SSTR5: variants seen among roughly 807,000 people sequenced by gnomAD.
SSTR5 encodes somatostatin receptor type 5.
SSTR5 carries 1 observed loss-of-function variant against 0.3 expected under a neutral mutation model. That is an observed-to-expected ratio of 2.98 (90% CI 1.06 to 14.15). The LOEUF (loss-of-function observed/expected upper bound fraction) is 14.15. SSTR5 is among the 30% of genes most tolerant of loss of function. The probability of loss-of-function intolerance (pLI) is 0.12; values close to 1 mark genes in which losing one functional copy is unlikely to be tolerated. For synonymous variants in SSTR5, 256 were observed against 263.1 expected, an observed-to-expected ratio of 0.97 and a Z score of 0.26; for missense variants, 516 against 543.2, an observed-to-expected ratio of 0.95 and a Z score of 0.50.
chr16:1,080,084 T>A lies in SSTR5; in HGVS notation c.*121T>A. On this transcript the variant is annotated 3_prime_UTR_variant, in exon 2 of 2. Transcript: ENST00000689027. The stretch of plus-strand genomic sequence containing the variant: ...CCCGGCGGTGGTGTGAGGACAGAGC[T>A]GGCTGAAGCCAGGCTGGGGTAGACA... 7.4e-7 allele frequency: 1 copy of A among 1,349,844 alleles called. No individual in the cohort carries two copies. Among genetic ancestry groups the A allele is most frequent in the Non-Finnish European group, 9.9e-7 (1 of 1,006,706 alleles). 83.6% of individuals were successfully genotyped at this position (1,349,844 alleles called of 1,614,324 possible).
rs922185048 is a variant in SSTR5 at position 1,080,822 on chromosome 16, C to T, written c.*859C>T. On this transcript the variant is annotated 3_prime_UTR_variant, in exon 2 of 2. Coordinates refer to ENST00000689027, the MANE Select transcript of SSTR5 (RefSeq NM_001172560.3). Reference sequence around the variant, plus strand: ...GGGTCCAGTGTGGGGTGCCTGAGGGCACTAGGGAGAGGTGCTCCTGCTGCA... The same window carrying T: ...GGGTCCAGTGTGGGGTGCCTGAGGGTACTAGGGAGAGGTGCTCCTGCTGCA... 6.6e-6 allele frequency among the ~76,000 whole-genome samples: 1 copy of T among 152,122 alleles called. No homozygotes were observed. The highest frequency in any genetic ancestry group is 2.4e-5 in the African/African-American group (1 of 41,414).
At chr16:1,076,948 T>C (rs780549088) in intron 1 of SSTR5, among the ~76,000 whole-genome samples, 26 of 152,216 alleles carry the variant, frequency 1.7e-4, no homozygotes, top group Non-Finnish European at 3.4e-4. Context: ...ACTGGCCCTG[T>C]TGATTTTCTG....
intron 1 of SSTR5, 98 bp from the exon 2 acceptor site, chr16:1,078,744 C>T: frequency 8.5e-6 from 10 of 1,175,974 alleles, no homozygotes; most frequent in South Asian, 5.5e-5. Context: ...TGATCCCGCG[C>T]CTCCTGGCAG....
chr16:1,079,899 A>T lies in SSTR5; in HGVS notation c.1031A>T (p.Gln344Leu), dbSNP rs1264426356. ...CGTCCAGACAGGATCCGGCAGCAGCAGGAGGCCACGCCACCCGCGCACCGC... is the reference window on the plus strand; with the variant it reads ...CGTCCAGACAGGATCCGGCAGCAGCTGGAGGCCACGCCACCCGCGCACCGC... Reference protein sequence around the residue: ...EPRPDRIRQQQEATPPAHRAA... With the variant: ...EPRPDRIRQQLEATPPAHRAA... The change falls in exon 2 of 2, where the codon CAG becomes CTG. Residue 344 changes from glutamine to leucine, a missense_variant. Gln to Leu is a moderately radical substitution (Grantham distance 113). Transcript: ENST00000689027. 3 of 1,608,778 alleles carry T rather than the reference A, an allele frequency of 1.9e-6. No individual in the cohort carries two copies. In the Admixed American group the frequency reaches 5.0e-5, roughly 27 times the overall value.
rs2151559266 is a variant in SSTR5, at chr16:1,080,275, G to A, written c.*312G>A. 2 of 384,792 alleles carry A rather than the reference G, an allele frequency of 5.2e-6. No homozygotes were observed. The highest frequency in any genetic ancestry group is 4.3e-5 in the Admixed American group (1 of 23,162). 23.8% of individuals were successfully genotyped at this position (384,792 alleles called of 1,614,324 possible). On this transcript the variant is annotated 3_prime_UTR_variant, in exon 2 of 2. Coordinates refer to ENST00000689027, the MANE Select transcript of SSTR5 (RefSeq NM_001172560.3). Reference sequence around the variant, plus strand: ...CTCCATCTGGCCCCAGCCCATGCCGGCCTTCCCTCTGGGGAGCGACTTTTC... The same window carrying A: ...CTCCATCTGGCCCCAGCCCATGCCGACCTTCCCTCTGGGGAGCGACTTTTC...
chr16:1,076,777 A>T (rs1016588188), intron 1 of SSTR5, among the ~76,000 whole-genome samples: 10 of 152,094 alleles, frequency 6.6e-5, no homozygotes, highest in Admixed American at 3.9e-4. Context: ...TGTAATTTTT[A>T]AAAATAGATG....
At chr16:1,076,685 G>A (rs1960219212) in intron 1 of SSTR5, among the ~76,000 whole-genome samples, 1 of 151,986 alleles carries the variant, frequency 6.6e-6, no homozygotes, top group Admixed American at 6.6e-5. Context: ...TCTCTTCAGT[G>A]CTGTCCACAC....
Position 1,080,127 on chromosome 16 carries a change from C to A in SSTR5, c.*164C>A, listed in dbSNP as rs567289374. On this transcript the variant is annotated 3_prime_UTR_variant, in exon 2 of 2. Coordinates refer to ENST00000689027, the MANE Select transcript of SSTR5 (RefSeq NM_001172560.3). ...GGTAGACACAGGGCAGTAGGTTCCC[C>A]ACCGTGACCGACCATCCCCTCTAAC... The A allele has an allele frequency of 1.0e-6, 1 of 956,932 alleles. No homozygotes were observed. 59.3% of individuals were successfully genotyped at this position (956,932 alleles called of 1,614,324 possible). A position where few individuals can be genotyped will look rare whatever the true frequency, so the allele number is the denominator to read the frequency against.
chr16:1,074,820 G>A (rs1048906576), intron 1 of SSTR5, among the ~76,000 whole-genome samples: 3 of 152,172 alleles, frequency 2.0e-5, no homozygotes, highest in East Asian at 1.9e-4. Context: ...GTGGATGCAC[G>A]CAGCACCCTG....
intron 1 of SSTR5, among the ~76,000 whole-genome samples, chr16:1,075,654 T>C (rs2745117): frequency 4.0e-5 from 6 of 151,260 alleles, no homozygotes; most frequent in African/African-American, 1.5e-4. Context: ...CCAGGGAGGG[T>C]GCAGCTCAGA....
Position 1,079,182 on chromosome 16 carries a change from G to A in SSTR5, c.314G>A (p.Trp105Ter). 6.2e-7 allele frequency: 1 copy of A among 1,612,566 alleles called. No homozygotes were observed. The highest frequency in any genetic ancestry group is 8.5e-7 in the Non-Finnish European group (1 of 1,179,944). Residue 105 changes from tryptophan to a stop codon, truncating the protein, a stop_gained, in exon 2 of 2, where the codon TGG (tryptophan) becomes TAG (stop). Coordinates refer to ENST00000689027, the MANE Select transcript of SSTR5 (RefSeq NM_001172560.3). LOFTEE classifies it low-confidence loss of function (END_TRUNC). ...GCCACGCAGAACGCCGCGTCCTTCT[G>A]GCCCTTCGGCCCCGTCCTGTGCCGC... ...FLATQNAASF[W>*]PFGPVLCRLV...
rs1020325304 is a variant in SSTR5 at position 1,078,998 on chromosome 16, C to T, written c.130C>T (p.Pro44Ser). ...PSAGARAVLVPVLYLLVCAAG... is the reference protein window; with the variant it reads ...PSAGARAVLVSVLYLLVCAAG... ...GGCAGGGGCCCGGGCGGTGCTGGTG[C>T]CCGTGCTGTACCTGCTGGTGTGTGC... is the stretch of plus-strand genomic sequence containing the variant. Residue 44 changes from proline to serine, a missense_variant, in exon 2 of 2, where the codon CCC becomes TCC. By Grantham distance (74) the Pro-to-Ser change is moderately conservative. Transcript: ENST00000689027. The T allele has an allele frequency of 6.3e-7, 1 of 1,595,540 alleles. No individual in the cohort carries two copies. The highest frequency in any genetic ancestry group is 1.7e-5 in the Admixed American group (1 of 57,320).
At position 1,079,634 on chromosome 16, in the gene SSTR5, G is replaced by A; in HGVS notation, c.766G>A (p.Val256Met). The change falls in exon 2 of 2, where the codon GTG (valine) becomes ATG (methionine). Residue 256 changes from valine to methionine, a missense_variant. By Grantham distance (21) the Val-to-Met change is conservative. Coordinates refer to ENST00000689027, the MANE Select transcript of SSTR5 (RefSeq NM_001172560.3). ...GCGCATGGTGTTGGTGGTGGTGCTG[G>A]TGTTTGCGGGATGTTGGCTGCCCTT... The part of the protein sequence containing the change: ...VTRMVLVVVL[V>M]FAGCWLPFFT... 1.2e-6 allele frequency: 2 copies of A among 1,612,346 alleles called. No individual in the cohort carries two copies. Among genetic ancestry groups the A allele is most frequent in the Non-Finnish European group, 1.7e-6 (2 of 1,179,366 alleles).
chr16:1,078,726 T>C (rs1960268337), intron 1 of SSTR5, 116 bp from the exon 2 acceptor site: 1 of 927,586 alleles, frequency 1.1e-6, no homozygotes, highest in Non-Finnish European at 1.6e-6. Context: ...CTAATCGTGT[T>C]TACCCGGTGA....
In SSTR5 at chr16:1,079,808, A is replaced by G; in HGVS notation, c.940A>G (p.Ser314Gly). 1 of 1,612,330 alleles carries G rather than the reference A, an allele frequency of 6.2e-7. No individual in the cohort carries two copies. Among genetic ancestry groups the G allele is most frequent in the Non-Finnish European group, 8.5e-7 (1 of 1,179,872 alleles). Residue 314 changes from serine (S) to glycine (G), a missense_variant, in exon 2 of 2, where the codon AGC becomes GGC. By Grantham distance (56) the Ser-to-Gly change is moderately conservative. Transcript: ENST00000689027. ...YGFLSDNFRQ[S>G]FQKVLCLRKG... ...CTTCCTCTCTGACAACTTCCGCCAG[A>G]GCTTCCAGAAGGTTCTGTGCCTCCG...
chr16:1,075,957 A>T (rs536353731), intron 1 of SSTR5, among the ~76,000 whole-genome samples: 10 of 6,466 alleles, frequency 1.5e-3, no homozygotes, highest in East Asian at 5.7e-3. Flanking sequence ...CTCCCTCCCC[A>T]CCTCCCCCTC....
At position 1,079,495 on chromosome 16, in the gene SSTR5, C is replaced by T. The variant is rs1259812170; in HGVS notation, c.627C>T (p.Gly209=). Residue 209 remains glycine (G), a synonymous_variant, in exon 2 of 2, where the codon GGC becomes GGT. Transcript: ENST00000689027. ...TCATCATCTACACGGCCGTGCTGGG[C>T]TTCTTCGCGCCGCTGCTGGTCATCT... ...AVFIIYTAVL[G]FFAPLLVICL... The T allele has an allele frequency of 6.2e-7, 1 of 1,611,798 alleles. No individual in the cohort carries two copies. Among genetic ancestry groups the T allele is most frequent in the Non-Finnish European group, 8.5e-7 (1 of 1,179,370 alleles).
At position 1,079,859 on chromosome 16, in the gene SSTR5, G is replaced by T. The variant is rs767632587; in HGVS notation, c.991G>T (p.Asp331Tyr). The T allele has an allele frequency of 1.9e-6, 3 of 1,611,358 alleles. No homozygotes were observed. The highest frequency in any genetic ancestry group is 1.6e-4 in the Middle Eastern group (1 of 6,082). ...CAAGGGCTCTGGTGCCAAGGACGCT[G>T]ACGCCACGGAGCCGCGTCCAGACAG... ...LRKGSGAKDA[D>Y]ATEPRPDRIR... Residue 331 changes from aspartate (D) to tyrosine (Y), a missense_variant, in exon 2 of 2, where the codon GAC (aspartate) becomes TAC (tyrosine). By Grantham distance (160) the Asp-to-Tyr change is radical (BLOSUM62 -3). Coordinates refer to ENST00000689027, the MANE Select transcript of SSTR5 (RefSeq NM_001172560.3).
At position 1,078,853 on chromosome 16, in the gene SSTR5, C is replaced by A; in HGVS notation, c.-16C>A. 6.2e-7 allele frequency: 1 copy of A among 1,603,260 alleles called. No homozygotes were observed. The highest frequency in any genetic ancestry group is 8.5e-7 in the Non-Finnish European group (1 of 1,179,232). On this transcript the variant is annotated 5_prime_UTR_variant, in exon 2 of 2. Coordinates refer to ENST00000689027, the MANE Select transcript of SSTR5 (RefSeq NM_001172560.3). ...TTCTTCTCTTGCAGAGCCTGACGCA[C>A]CCCAGGGCTGCCGCCATGGAGCCCC...
Sources: gnomAD v4.1 joint callset for allele counts (sites outside exome capture counted in the v4.1 genomes callset) on GRCh38, gnomAD v4.1.1 for gene constraint, MANE v1.5 for transcripts, NCBI Gene and HGNC (gene_info 2026-07-23, HGNC 2026-07-21) for gene names.